The following SND1 variants were observed in gnomAD, a reference collection of about 807,000 sequenced individuals.
SND1 encodes staphylococcal nuclease and tudor domain containing 1.
A neutral mutation model predicts 121.7 loss-of-function variants in SND1; 38 were observed. The observed-to-expected ratio is 0.31, with a 90% CI of 0.24 to 0.41. SND1 has a LOEUF of 0.41. Ranked by LOEUF, SND1 falls within the 10% of genes least tolerant of loss-of-function variation. The pLI is 1.00. For synonymous variants in SND1, 401 were observed against 447.4 expected (o/e 0.90, Z 1.31); for missense variants, 868 against 1,184.6 (o/e 0.73, Z 3.92).
chr7:127,908,102 T>A (rs907419636), intron 14 of SND1, among the ~76,000 whole-genome samples: 1 of 152,104 alleles, frequency 6.6e-6, no homozygotes, highest in Non-Finnish European at 1.5e-5. Context: ...GGACAGAACA[T>A]CTGCATATAA....
At chr7:127,769,004 T>C (rs1177199124) in intron 10 of SND1, among the ~76,000 whole-genome samples, 1 of 152,228 alleles carries the variant, frequency 6.6e-6, no homozygotes, top group Non-Finnish European at 1.5e-5. Flanking sequence ...AATATAGTTA[T>C]ATACCAATAA....
intron 15 of SND1, among the ~76,000 whole-genome samples, chr7:127,931,110 T>C (rs1273900138): frequency 6.6e-6 from 1 of 152,166 alleles, no homozygotes; most frequent in Non-Finnish European, 1.5e-5. Flanking sequence ...GCTCCACCCA[T>C]TGAATGATAA....
Position 127,907,095 on chromosome 7 carries a change from G to A in SND1, c.1527+2276G>A, listed in dbSNP as rs115348289. 1.8e-3 allele frequency among the ~76,000 whole-genome samples: 267 copies of A among 152,256 alleles called. 2 individuals carry two copies. Among genetic ancestry groups the A allele is most frequent in the Middle Eastern group, 0.01 (3 of 292 alleles). On this transcript the variant is annotated intron_variant, in intron 14 of 23. Coordinates refer to ENST00000354725, the MANE Select transcript of SND1 (RefSeq NM_014390.4). Reference sequence around the variant, plus strand: ...TAAAAGAGTAAAGCTTGAGCAAGTGGGAGACTGAAAGTGAAAAAGCTGCTC... The same window carrying A: ...TAAAAGAGTAAAGCTTGAGCAAGTGAGAGACTGAAAGTGAAAAAGCTGCTC...
At chr7:128,076,943 C>T (rs534296731) in intron 17 of SND1, among the ~76,000 whole-genome samples, 57 of 152,290 alleles carry the variant, frequency 3.7e-4, no homozygotes, top group South Asian at 1.2e-3. Context: ...GCCGATAGGG[C>T]TCTCCACTTC....
chr7:127,908,356 G>GTGTA (rs1269982676), intron 14 of SND1, among the ~76,000 whole-genome samples: 1 of 150,490 alleles, frequency 6.6e-6, no homozygotes, highest in Non-Finnish European at 1.5e-5. Context: ...GTGTGTGTGT[G>GTGTA]TGTGCGTGCG....
intron 16 of SND1, among the ~76,000 whole-genome samples, chr7:127,996,913 T>C (rs2116925573): frequency 6.6e-6 from 1 of 152,304 alleles, no homozygotes; most frequent in Non-Finnish European, 1.5e-5. Context: ...CACCCACCAG[T>C]GGTCTTTAAT....
chr7:127,705,526 T>C (rs1200318855), intron 8 of SND1, among the ~76,000 whole-genome samples: 1 of 152,164 alleles, frequency 6.6e-6, no homozygotes, highest in African/African-American at 2.4e-5. Flanking sequence ...GAAAACTGCA[T>C]GTAGAAATTC....
intron 16 of SND1, among the ~76,000 whole-genome samples, chr7:128,050,402 C>A (rs116294911): frequency 0.019 from 2,888 of 152,300 alleles, 100 homozygotes; most frequent in African/African-American, 0.067. Flanking sequence ...ATAACTTATC[C>A]TCACAGCATT....
At chr7:127,920,697 C>G (rs983167506) in intron 14 of SND1, among the ~76,000 whole-genome samples, 9 of 152,108 alleles carry the variant, frequency 5.9e-5, no homozygotes, top group Non-Finnish European at 1.2e-4. Context: ...GCCTTGATAG[C>G]TGCCTCTCAC....
At chr7:127,922,005 T>C (rs1800716431) in intron 14 of SND1, among the ~76,000 whole-genome samples, 1 of 151,968 alleles carries the variant, frequency 6.6e-6, no homozygotes, top group African/African-American at 2.4e-5. Context: ...TTTTAAAGAA[T>C]GAGACAGGGT....
Position 128,085,371 on chromosome 7 carries a change from G to T in SND1, c.2235-340G>T, listed in dbSNP as rs528988960. 3.3e-5 allele frequency among the ~76,000 whole-genome samples: 5 copies of T among 152,182 alleles called. No individual in the cohort carries two copies. Among genetic ancestry groups the T allele is most frequent in the African/African-American group, 1.2e-4 (5 of 41,578 alleles). The stretch of plus-strand genomic sequence containing the variant: ...ATATGTTCCCTGCTGCGGCCTCCCA[G>T]GCAGATCTGCTGGCTAATTACAGCT... On this transcript the variant is annotated intron_variant, in intron 19 of 23. Coordinates refer to ENST00000354725, the MANE Select transcript of SND1 (RefSeq NM_014390.4). The surrounding 1 kb of genome is among the most constrained non-coding windows in gnomAD (Gnocchi z 4.4).
intron 1 of SND1, among the ~76,000 whole-genome samples, chr7:127,673,867 C>G (rs566483810): frequency 3.3e-5 from 5 of 152,140 alleles, no homozygotes; most frequent in African/African-American, 1.2e-4. Flanking sequence ...TGAGTACTTT[C>G]TTCTGACACA....
chr7:127,983,332 TTC>T (rs963695375), intron 15 of SND1, among the ~76,000 whole-genome samples: 14 of 152,174 alleles, frequency 9.2e-5, no homozygotes, highest in African/African-American at 3.1e-4. Context: ...TGTTTTGGTG[TTC>T]TGTGTCTTGT....
intron 16 of SND1, among the ~76,000 whole-genome samples, chr7:128,073,560 G>T (rs527243904): frequency 1.3e-5 from 2 of 152,110 alleles, no homozygotes; most frequent in East Asian, 3.9e-4. Context: ...CTCCAGCTCC[G>T]ACCTCGAGAA....
chr7:127,704,198 T>G (rs935676089), intron 7 of SND1, among the ~76,000 whole-genome samples: 6 of 152,244 alleles, frequency 3.9e-5, no homozygotes, highest in Admixed American at 6.5e-5. Flanking sequence ...TGGATTTTCA[T>G]TATTTTAACC....
intron 20 of SND1, 160 bp from the exon 21 acceptor site, chr7:128,086,778 A>C: frequency 3.0e-6 from 2 of 672,032 alleles, no homozygotes; most frequent in Non-Finnish European, 5.4e-6. Flanking sequence ...GGCTTCACCC[A>C]CTGGGGAGCC....
At chr7:128,054,652 C>G (rs1315435265) in intron 16 of SND1, among the ~76,000 whole-genome samples, 1 of 152,150 alleles carries the variant, frequency 6.6e-6, no homozygotes, top group African/African-American at 2.4e-5. Context: ...TTTTCTTCTT[C>G]CTCTCCCTGG....
At chr7:127,788,119 G>A (rs1797844921) in intron 10 of SND1, among the ~76,000 whole-genome samples, 1 of 152,162 alleles carries the variant, frequency 6.6e-6, no homozygotes, top group Non-Finnish European at 1.5e-5. Context: ...ACATTTACAG[G>A]CCGATGGGCA....
At chr7:128,084,898 G>A (rs772078337) in intron 19 of SND1, 51 bp downstream of exon 19, 1 of 1,551,292 alleles carries the variant, frequency 6.4e-7, no homozygotes, top group Non-Finnish European at 8.8e-7. Flanking sequence ...ACGATAGCAG[G>A]GCTGTCCTCA....
Sources: allele counts gnomAD v4.1 joint callset (sites outside exome capture counted in the v4.1 genomes callset), GRCh38; gene constraint gnomAD v4.1.1; non-coding constraint Gnocchi (gnomAD v3.1); transcripts MANE v1.5; gene names NCBI Gene and HGNC (gene_info 2026-07-23, HGNC 2026-07-21).